Variants in CDYL observed in about 807,000 individuals in gnomAD.
The protein encoded by CDYL is chromodomain Y like.
A neutral mutation model predicts 47.3 loss-of-function variants in CDYL; 8 were observed. The observed-to-expected ratio is 0.17, with a 90% CI of 0.10 to 0.31. The LOEUF is 0.31. CDYL is among the 10% of genes least tolerant of loss of function. The pLI, the probability that CDYL is intolerant of heterozygous loss-of-function variation, is 1.00. For synonymous variants in CDYL, 266 were observed against 265.0 expected (o/e 1.00, Z -0.04); for missense variants, 471 against 701.4 (o/e 0.67, Z 3.71).
intron 1 of CDYL, among the ~76,000 whole-genome samples, chr6:4,856,793 A>G (rs1385460710): frequency 6.6e-6 from 1 of 152,190 alleles, no homozygotes. Flanking sequence ...AACTTTGTGA[A>G]GCCTTTTACA....
At chr6:4,841,731 A>G (rs1253276057) in intron 1 of CDYL, among the ~76,000 whole-genome samples, 1 of 151,816 alleles carries the variant, frequency 6.6e-6, no homozygotes, top group East Asian at 1.9e-4. Flanking sequence ...TTGATTTCCA[A>G]TTTTATTCCA....
intron 1 of CDYL, among the ~76,000 whole-genome samples, chr6:4,872,323 GCT>G (rs1491519279): frequency 6.3e-5 from 5 of 78,908 alleles, no homozygotes; most frequent in African/African-American, 2.3e-4. Flanking sequence ...TTTTGATTTG[GCT>G]TTTTTTTTTT....
chr6:4,930,707 G>A (rs1217737839), intron 2 of CDYL, among the ~76,000 whole-genome samples: 1 of 152,218 alleles, frequency 6.6e-6, no homozygotes, highest in African/African-American at 2.4e-5. Flanking sequence ...ATATTTAACA[G>A]ATTTGCCATA....
At chr6:4,807,756 A>G (rs149119482) in intron 1 of CDYL, among the ~76,000 whole-genome samples, 2,416 of 151,622 alleles carry the variant, frequency 0.016, 72 homozygotes, top group African/African-American at 0.056. Context: ...GGCATGTGCC[A>G]CCACACCTGA....
At chr6:4,825,930 A>G (rs1759970550) in intron 1 of CDYL, among the ~76,000 whole-genome samples, 1 of 151,550 alleles carries the variant, frequency 6.6e-6, no homozygotes, top group South Asian at 2.1e-4. Context: ...GCCTTGTTTC[A>G]GCTGTGAGAC....
At chr6:4,940,584 T>C (rs1001854475) in intron 4 of CDYL, among the ~76,000 whole-genome samples, 10 of 152,238 alleles carry the variant, frequency 6.6e-5, no homozygotes, top group African/African-American at 2.4e-4. Flanking sequence ...GTTTGCAGTT[T>C]GCAGGGTAAT....
chr6:4,900,779 GTATA>G (rs59594195), intron 2 of CDYL, among the ~76,000 whole-genome samples: 2,105 of 51,646 alleles, frequency 0.041, 519 homozygotes, highest in East Asian at 0.058. Context: ...GTATACGTGT[GTATA>G]TATATATATA....
At chr6:4,936,376 G>A (rs971865295) in intron 3 of CDYL, among the ~76,000 whole-genome samples, 8 of 152,278 alleles carry the variant, frequency 5.3e-5, no homozygotes, top group Non-Finnish European at 8.8e-5. Flanking sequence ...TTCTAGAATC[G>A]GGAGTATTTG....
chr6:4,919,799 C>G (rs1352773904), intron 2 of CDYL, among the ~76,000 whole-genome samples: 1 of 152,210 alleles, frequency 6.6e-6, no homozygotes, highest in South Asian at 2.1e-4. Context: ...ATTTAGGAAA[C>G]TATTAAATAT....
chr6:4,874,319 C>T (rs763714088), intron 1 of CDYL, among the ~76,000 whole-genome samples: 9 of 152,012 alleles, frequency 5.9e-5, no homozygotes, highest in Admixed American at 1.3e-4. Context: ...TATTTCATAG[C>T]GTTTCTTTTT....
At chr6:4,748,255 G>C (rs980100738) in intron 3 of CDYL, among the ~76,000 whole-genome samples, 1 of 152,048 alleles carries the variant, frequency 6.6e-6, no homozygotes, top group African/African-American at 2.4e-5. Context: ...AAATATCAAG[G>C]CTGAGCACAG....
chr6:4,837,397 G>T (rs927340411), intron 1 of CDYL, among the ~76,000 whole-genome samples: 16 of 151,866 alleles, frequency 1.1e-4, no homozygotes, highest in African/African-American at 3.4e-4. Flanking sequence ...GTAAACGTCA[G>T]TGCGTTACAA....
chr6:4,855,746 CT>C (rs1471237494), intron 1 of CDYL, among the ~76,000 whole-genome samples: 1 of 152,220 alleles, frequency 6.6e-6, no homozygotes, highest in Non-Finnish European at 1.5e-5. Flanking sequence ...ACTAACCTGA[CT>C]ATGGGCAACA....
At chr6:4,819,902 T>C (rs758038945) in intron 1 of CDYL, among the ~76,000 whole-genome samples, 18 of 152,170 alleles carry the variant, frequency 1.2e-4, no homozygotes, top group Non-Finnish European at 8.8e-5. Flanking sequence ...CCAGTAGTGC[T>C]GAAGTCAAGA....
chr6:4,731,335 T>C (rs562852512), intron 2 of CDYL, among the ~76,000 whole-genome samples: 85 of 152,326 alleles, frequency 5.6e-4, no homozygotes, highest in Admixed American at 1.8e-3. Flanking sequence ...CTTCTTACAG[T>C]ATTAAAGGGT....
At position 4,745,742 on chromosome 6, in the gene CDYL, C is replaced by T. The variant is rs574463492; in HGVS notation, c.186+10898C>T. Reference sequence around the variant, plus strand: ...TTAAGCTCAGGTGTTGTGTCTGCAACGAGAGGCAGCTGGTCTCATGGGGAA... The same window carrying T: ...TTAAGCTCAGGTGTTGTGTCTGCAATGAGAGGCAGCTGGTCTCATGGGGAA... On this transcript the variant is annotated intron_variant, in intron 3 of 8. Coordinates refer to the CDYL transcript ENST00000328908. Among the ~76,000 whole-genome samples the T allele has an allele frequency of 9.9e-5, 15 of 152,258 alleles. No homozygotes were observed. The South Asian group carries it at 1.2e-3, about 13-fold the overall frequency.
chr6:4,761,358 T>C (rs1322543404), intron 3 of CDYL, among the ~76,000 whole-genome samples: 3 of 152,280 alleles, frequency 2.0e-5, no homozygotes, highest in South Asian at 2.1e-4. Flanking sequence ...GATTTTTTTT[T>C]CCCCAGACTG....
At chr6:4,806,076 G>A (rs1233592420) in intron 1 of CDYL, among the ~76,000 whole-genome samples, 3 of 152,246 alleles carry the variant, frequency 2.0e-5, no homozygotes, top group Admixed American at 1.3e-4. Context: ...GGGAGCGGGT[G>A]TACATGCCGC....
intron 1 of CDYL, among the ~76,000 whole-genome samples, chr6:4,788,981 A>C (rs1009304448): frequency 6.6e-6 from 1 of 152,044 alleles, no homozygotes; most frequent in Non-Finnish European, 1.5e-5. Flanking sequence ...TTGTAGCTAC[A>C]TGGCGGGCCA....
Sources: allele counts gnomAD v4.1 joint callset (sites outside exome capture counted in the v4.1 genomes callset), GRCh38; gene constraint gnomAD v4.1.1; transcripts MANE v1.5; gene names NCBI Gene and HGNC (gene_info 2026-07-23, HGNC 2026-07-21).